The following BARD1 variants were observed in gnomAD, a reference collection of about 807,000 sequenced individuals.
The protein encoded by BARD1 is BRCA1-associated RING domain protein 1.
Under a neutral mutation model 77.0 loss-of-function variants are expected in BARD1, and 73 were observed. That is an observed-to-expected ratio of 0.95 (90% CI 0.79 to 1.15). BARD1 has a LOEUF of 1.15. Ranked by LOEUF, BARD1 falls within the 50% of genes most tolerant of loss-of-function variation. The pLI, the probability that BARD1 is intolerant of heterozygous loss-of-function variation, is 0.00. For synonymous variants in BARD1, 384 were observed against 338.0 expected, an observed-to-expected ratio of 1.14 and a Z score of -1.49; for missense variants, 993 against 938.8, an observed-to-expected ratio of 1.06 and a Z score of -0.75.
chr2:214,729,196 G>A (rs1474549381), intron 10 of BARD1, among the ~76,000 whole-genome samples, 188 bp from the exon 11 acceptor site: 1 of 152,172 alleles, frequency 6.6e-6, no homozygotes, highest in Non-Finnish European at 1.5e-5. Context: ...GTATCTTAAG[G>A]ATGAGGCTCA....
chr2:214,762,719 G>GTA (rs1166453319), intron 6 of BARD1, among the ~76,000 whole-genome samples: 1 of 152,082 alleles, frequency 6.6e-6, no homozygotes, highest in Admixed American at 6.5e-5. Context: ...TTAATCCACT[G>GTA]TATATACTTA....
At chr2:214,809,390 C>T (rs768570863) in intron 1 of BARD1, 22 bp downstream of exon 1, 4 of 1,612,108 alleles carry the variant, frequency 2.5e-6, no homozygotes, top group East Asian at 4.5e-5. Flanking sequence ...TCGCAGCCAC[C>T]CCCAAGAAGC....
rs369844836 is a variant in BARD1, at chr2:214,726,925, C to G, written c.*1751G>C. The G allele has an allele frequency of 4.4e-6, 1 of 226,784 alleles. No homozygotes were observed. The highest frequency in any genetic ancestry group is 8.7e-6 in the Non-Finnish European group (1 of 114,940). The allele number at this position is 226,784 out of a possible 1,614,324, so 14.0% of individuals were successfully genotyped here. The stretch of plus-strand genomic sequence containing the variant: ...CAATCAGGAATTCAGATGCAAGGAA[C>G]AGACACAAACCTGTCTAAAATGTGA... On this transcript the variant is annotated 3_prime_UTR_variant, in exon 11 of 11. Coordinates refer to ENST00000260947, the MANE Select transcript of BARD1 (RefSeq NM_000465.4).
intron 9 of BARD1, among the ~76,000 whole-genome samples, chr2:214,740,897 C>T (rs572859148): frequency 4.7e-5 from 7 of 149,548 alleles, no homozygotes; most frequent in Non-Finnish European, 7.4e-5. Flanking sequence ...TTAATTTATA[C>T]GAATGTTTTT....
intron 3 of BARD1, among the ~76,000 whole-genome samples, chr2:214,781,981 G>A (rs912174947): frequency 4.6e-5 from 7 of 152,016 alleles, no homozygotes; most frequent in African/African-American, 7.2e-5. Context: ...TGTAAAACTC[G>A]ACAAGCAATT....
At position 214,793,534 on chromosome 2, in the gene BARD1, T is replaced by C. The variant is rs183668796; in HGVS notation, c.216-1089A>G. Among the ~76,000 whole-genome samples the C allele has an allele frequency of 1.9e-3, 291 of 152,312 alleles. 1 individual carries two copies. The highest frequency in any genetic ancestry group is 6.7e-3 in the African/African-American group (279 of 41,576). On this transcript the variant is annotated intron_variant, in intron 2 of 10. Transcript: ENST00000260947. Reference sequence around the variant, plus strand: ...CAAAAAAATATGTAAAACTGATTACTCATGCAATTTAAATCATTTGTGCAA... The same window carrying C: ...CAAAAAAATATGTAAAACTGATTACCCATGCAATTTAAATCATTTGTGCAA...
At chr2:214,796,797 G>A (rs535374731) in intron 2 of BARD1, 1 of 464,240 alleles carries the variant, frequency 2.2e-6, no homozygotes, top group African/African-American at 2.0e-5. Context: ...TTATATAAAA[G>A]GCATTAATTT....
rs146629794 is a variant in BARD1 at position 214,745,132 on chromosome 2, G to T, written c.1838C>A (p.Ala613Glu). 13 of 1,613,668 alleles carry T rather than the reference G, an allele frequency of 8.1e-6. No individual in the cohort carries two copies. The African/African-American group carries it at 1.6e-4, about 20-fold the overall frequency. The change falls in exon 9 of 11, where the codon GCA (alanine) becomes GAA (glutamate). Residue 613 changes from alanine to glutamate, a missense_variant. By Grantham distance (107) the Ala-to-Glu change is moderately radical. Coordinates refer to ENST00000260947, the MANE Select transcript of BARD1 (RefSeq NM_000465.4). Reference sequence around the variant, plus strand: ...CATACACTTCAAGGTACTTTGAACTGCATCACCAGGAACAACAACATGAGT... The same window carrying T: ...CATACACTTCAAGGTACTTTGAACTTCATCACCAGGAACAACAACATGAGT... Reference protein sequence around the residue: ...TVTHVVVPGDAVQSTLKCMLG... With the variant: ...TVTHVVVPGDEVQSTLKCMLG...
intron 10 of BARD1, 78 bp downstream of exon 10, chr2:214,730,333 G>C: frequency 7.8e-7 from 1 of 1,276,884 alleles, no homozygotes; most frequent in Non-Finnish European, 1.1e-6. Context: ...CTGTTGAAAG[G>C]GCAGAAGTTC....
intron 3 of BARD1, among the ~76,000 whole-genome samples, chr2:214,788,268 T>C (rs1219138754): frequency 6.6e-6 from 1 of 151,856 alleles, no homozygotes; most frequent in Non-Finnish European, 1.5e-5. Flanking sequence ...TATGATAGGG[T>C]TGAAGAGAAA....
At chr2:214,746,906 G>A (rs1693147399) in intron 7 of BARD1, among the ~76,000 whole-genome samples, 1 of 152,082 alleles carries the variant, frequency 6.6e-6, no homozygotes, top group Non-Finnish European at 1.5e-5. Context: ...ACTACCATCA[G>A]AGTGAACAGG....
At chr2:214,729,236 G>C (rs567516524) in intron 10 of BARD1, among the ~76,000 whole-genome samples, 75 of 152,274 alleles carry the variant, frequency 4.9e-4, no homozygotes, top group African/African-American at 8.9e-4. Context: ...TTTGTTTCTT[G>C]TACACCTTAT....
intron 9 of BARD1, among the ~76,000 whole-genome samples, chr2:214,740,161 A>C (rs1692754365): frequency 6.6e-6 from 1 of 152,068 alleles, no homozygotes; most frequent in Non-Finnish European, 1.5e-5. Context: ...GAAGTCATAT[A>C]TTAAAAGTTC....
At chr2:214,806,309 G>A (rs945869145) in intron 1 of BARD1, among the ~76,000 whole-genome samples, 2 of 152,168 alleles carry the variant, frequency 1.3e-5, no homozygotes, top group African/African-American at 4.8e-5. Context: ...AGCCCACTGG[G>A]TAGAACTCTG....
chr2:214,750,407 C>G (rs532510893), intron 7 of BARD1, among the ~76,000 whole-genome samples: 2 of 152,272 alleles, frequency 1.3e-5, no homozygotes, highest in East Asian at 3.9e-4. Context: ...ACCCTTTACC[C>G]TGAATCCCTC....
chr2:214,785,608 T>C (rs1279937338), intron 3 of BARD1, among the ~76,000 whole-genome samples: 3 of 151,644 alleles, frequency 2.0e-5, no homozygotes, highest in Non-Finnish European at 2.9e-5. Context: ...ATTTTAACAA[T>C]GAAGGACTAA....
In BARD1 at chr2:214,732,938, G is replaced by GA. The variant is rs932810422; in HGVS notation, c.1904-2431dup. On this transcript the variant is annotated intron_variant, in intron 9 of 10. Transcript: ENST00000260947. The stretch of plus-strand genomic sequence containing the variant: ...CTGAAAAAACTGGTACTTTCTGAGG[G>GA]AAAAAAAATGTGTTTGAGTCCTCTT... Among the ~76,000 whole-genome samples, 28 of 151,716 alleles carry GA rather than the reference G, an allele frequency of 1.8e-4. No homozygotes were observed. The East Asian group carries it at 3.7e-3, about 20-fold the overall frequency.
At chr2:214,755,160 T>C (rs979908348) in intron 6 of BARD1, among the ~76,000 whole-genome samples, 1 of 152,224 alleles carries the variant, frequency 6.6e-6, no homozygotes, top group African/African-American at 2.4e-5. Flanking sequence ...GGAAAAGTTA[T>C]GTTGAAATGT....
At chr2:214,747,183 T>G (rs932988369) in intron 7 of BARD1, among the ~76,000 whole-genome samples, 3 of 151,962 alleles carry the variant, frequency 2.0e-5, no homozygotes, top group African/African-American at 7.3e-5. Flanking sequence ...TTAGAATGGC[T>G]ATCATTAAAA....
Sources: gnomAD v4.1 joint callset for allele counts (sites outside exome capture counted in the v4.1 genomes callset) on GRCh38, gnomAD v4.1.1 for gene constraint, MANE v1.5 for transcripts, NCBI Gene and HGNC (gene_info 2026-07-23, HGNC 2026-07-21) for gene names.